The following EPSTI1 variants were observed in gnomAD, a reference collection of about 807,000 sequenced individuals.
EPSTI1 encodes epithelial-stromal interaction protein 1.
Under a neutral mutation model 49.9 loss-of-function variants are expected in EPSTI1, and 66 were observed. The observed-to-expected ratio is 1.32, with a 90% CI of 1.08 to 1.62. The LOEUF (loss-of-function observed/expected upper bound fraction) is 1.62. Among genes scored for constraint, EPSTI1 ranks in the 40% most tolerant of loss-of-function variants. The probability of loss-of-function intolerance (pLI) is 0.00; values close to 1 mark genes in which losing one functional copy is unlikely to be tolerated. For missense variants in EPSTI1, 394 were observed against 365.5 expected (o/e 1.08, Z -0.64); for synonymous variants, 137 against 130.7 (o/e 1.05, Z -0.33).
At chr13:42,910,954 C>T (rs1460943639) in intron 8 of EPSTI1, among the ~76,000 whole-genome samples, 1 of 152,066 alleles carries the variant, frequency 6.6e-6, no homozygotes, top group African/African-American at 2.4e-5. Context: ...ATTTTTAGTT[C>T]ACTGAAGTGT....
At chr13:42,955,881 G>GA (rs548889452) in intron 5 of EPSTI1, among the ~76,000 whole-genome samples, 2 of 121,418 alleles carry the variant, frequency 1.6e-5, no homozygotes, top group Non-Finnish European at 3.5e-5. Context: ...AGTATTTGGG[G>GA]GGGGGGGGAA....
At chr13:42,986,186 A>G (rs1411462079) in intron 1 of EPSTI1, among the ~76,000 whole-genome samples, 2 of 152,166 alleles carry the variant, frequency 1.3e-5, no homozygotes, top group African/African-American at 2.4e-5. Context: ...TCAGCTGACT[A>G]TGCTCCCCAC....
In EPSTI1 at chr13:42,888,812, G is replaced by GTTAC. The variant is rs1482927422; in HGVS notation, c.916-314_916-311dup. Reference sequence around the variant, plus strand: ...GAAAATGTTGTCACCCACCTACACAGTTACAGCAAGGACAGGATGAACACA... The same window carrying GTTAC: ...GAAAATGTTGTCACCCACCTACACAGTTACTTACAGCAAGGACAGGATGAACACA... On this transcript the variant is annotated intron_variant, in intron 10 of 10. Coordinates refer to ENST00000313624, the MANE Select transcript of EPSTI1 (RefSeq NM_033255.5). Among the ~76,000 whole-genome samples, 6 of 152,160 alleles carry GTTAC rather than the reference G, an allele frequency of 3.9e-5. 1 individual carries two copies. Among genetic ancestry groups the GTTAC allele is most frequent in the Admixed American group, 1.3e-4 (2 of 15,280 alleles).
chr13:42,953,008 G>A (rs1289313753), intron 6 of EPSTI1, among the ~76,000 whole-genome samples: 1 of 152,138 alleles, frequency 6.6e-6, no homozygotes, highest in African/African-American at 2.4e-5. Flanking sequence ...ACAATGGAGT[G>A]AGAGAACAGG....
rs561977519 is a variant in EPSTI1, at chr13:42,889,258, A to T, written c.916-756T>A. On this transcript the variant is annotated intron_variant, in intron 10 of 10. Transcript: ENST00000313624. ...ATAGAGAACCCTAGAAAAATAAAAA[A>T]ATATATTTTTTACATATAAAAGCAA... is the stretch of plus-strand genomic sequence containing the variant. 34 of 1,490,860 alleles carry T rather than the reference A, an allele frequency of 2.3e-5. No individual in the cohort carries two copies. The highest frequency in any genetic ancestry group is 8.6e-5 in the African/African-American group (6 of 69,804). The allele number at this position is 1,490,860 out of a possible 1,614,324, so 92.4% of individuals were successfully genotyped here.
chr13:42,915,909 T>C (rs1007966745), intron 8 of EPSTI1, among the ~76,000 whole-genome samples: 2 of 152,122 alleles, frequency 1.3e-5, no homozygotes, highest in African/African-American at 4.8e-5. Context: ...TCCTAATTTG[T>C]TAAGCATTCT....
chr13:42,947,004 G>T (rs1250248029), intron 6 of EPSTI1, among the ~76,000 whole-genome samples: 1 of 152,126 alleles, frequency 6.6e-6, no homozygotes, highest in Non-Finnish European at 1.5e-5. Context: ...GGGGACCACT[G>T]CTTTATATAC....
In EPSTI1 at chr13:42,888,493, C is replaced by T; in HGVS notation, c.*1G>A. 6.2e-7 allele frequency: 1 copy of T among 1,603,646 alleles called. No individual in the cohort carries two copies. Among genetic ancestry groups the T allele is most frequent in the Non-Finnish European group, 8.5e-7 (1 of 1,174,230 alleles). Reference sequence around the variant, plus strand: ...AAGGCCAGATAGGAGTCAATATTTTCTCATATACCCTGGAAGAAAAAGAAA... The same window carrying T: ...AAGGCCAGATAGGAGTCAATATTTTTTCATATACCCTGGAAGAAAAAGAAA... On this transcript the variant is annotated 3_prime_UTR_variant, in exon 11 of 11. Transcript: ENST00000313624.
chr13:42,908,314 C>T (rs920906218), intron 8 of EPSTI1, among the ~76,000 whole-genome samples: 9 of 151,882 alleles, frequency 5.9e-5, no homozygotes, highest in African/African-American at 1.5e-4. Flanking sequence ...GGCAAAGCCC[C>T]GTCTCTACTG....
chr13:42,896,535 A>G (rs2037193658), intron 9 of EPSTI1, among the ~76,000 whole-genome samples: 2 of 152,284 alleles, frequency 1.3e-5, no homozygotes, highest in Admixed American at 6.5e-5. Context: ...CCTCCTGAAC[A>G]CAACCTAAAT....
chr13:42,902,365 C>A (rs946627397), intron 8 of EPSTI1, among the ~76,000 whole-genome samples: 3 of 152,130 alleles, frequency 2.0e-5, no homozygotes, highest in Admixed American at 2.0e-4. Flanking sequence ...GATTCCTCAA[C>A]TTAACCAACT....
At chr13:42,984,538 A>G (rs1297977184) in intron 1 of EPSTI1, among the ~76,000 whole-genome samples, 1 of 152,244 alleles carries the variant, frequency 6.6e-6, no homozygotes, top group African/African-American at 2.4e-5. Context: ...TGCAGAAAAT[A>G]GACACTAAAT....
rs139697188 is a variant in EPSTI1 at position 42,965,164 on chromosome 13, G to T, written c.332-1025C>A. On this transcript the variant is annotated intron_variant, in intron 3 of 10. Coordinates refer to ENST00000313624, the MANE Select transcript of EPSTI1 (RefSeq NM_033255.5). ...TTCTCTAATGTTACAGCAACTTTTAGTATCTCCTGCAACCATTCCAATATT... is the reference window on the plus strand; with the variant it reads ...TTCTCTAATGTTACAGCAACTTTTATTATCTCCTGCAACCATTCCAATATT... Among the ~76,000 whole-genome samples, 14 of 152,268 alleles carry T rather than the reference G, an allele frequency of 9.2e-5. No individual in the cohort carries two copies. In the East Asian group the frequency reaches 2.7e-3, roughly 29 times the overall value.
chr13:42,919,279 G>A, intron 7 of EPSTI1: 1 of 1,612,566 alleles, frequency 6.2e-7, no homozygotes. Flanking sequence ...TCAGTTACTT[G>A]CAATCCTAAT....
At position 42,912,960 on chromosome 13, in the gene EPSTI1, A is replaced by G. The variant is rs147164620; in HGVS notation, c.741+4581T>C. The stretch of plus-strand genomic sequence containing the variant: ...AAGACAATAAGGGTAAAGAGACATA[A>G]AAGAAAATTAGGAAGAAAAAAGGAA... On this transcript the variant is annotated intron_variant, in intron 8 of 10. Transcript: ENST00000313624. Among the ~76,000 whole-genome samples, 835 of 152,280 alleles carry G rather than the reference A, an allele frequency of 5.5e-3. 5 individuals carry two copies. Among genetic ancestry groups the G allele is most frequent in the Non-Finnish European group, 7.6e-3 (517 of 68,006 alleles).
intron 6 of EPSTI1, among the ~76,000 whole-genome samples, chr13:42,945,365 C>T (rs1158579225): frequency 6.6e-6 from 1 of 152,198 alleles, no homozygotes; most frequent in Non-Finnish European, 1.5e-5. Flanking sequence ...TCCCACAACA[C>T]ATGGGAATTA....
At chr13:42,900,729 A>G (rs1295356726) in intron 8 of EPSTI1, among the ~76,000 whole-genome samples, 1 of 152,124 alleles carries the variant, frequency 6.6e-6, no homozygotes, top group Non-Finnish European at 1.5e-5. Flanking sequence ...TAGTTCCTTC[A>G]GGAATATCAC....
rs1285780057 is a variant in EPSTI1, at chr13:42,888,070, AAAGT to A, written c.*420_*423del. 3 of 584,126 alleles carry A rather than the reference AAAGT, an allele frequency of 5.1e-6. No homozygotes were observed. The highest frequency in any genetic ancestry group is 8.7e-6 in the Non-Finnish European group (3 of 344,320). 36.2% of individuals were successfully genotyped at this position (584,126 alleles called of 1,614,324 possible). A position where few individuals can be genotyped will look rare whatever the true frequency, so the allele number is the denominator to read the frequency against. On this transcript the variant is annotated 3_prime_UTR_variant, in exon 11 of 11. Coordinates refer to ENST00000313624, the MANE Select transcript of EPSTI1 (RefSeq NM_033255.5). ...TTTTGTACATATTTGTACCATAAAGAAAGTAGGGATTAAAATCTAAAAAGACCCC... is the reference window on the plus strand; with the variant it reads ...TTTTGTACATATTTGTACCATAAAGAAGGGATTAAAATCTAAAAAGACCCC...
At chr13:42,963,387 G>T in intron 4 of EPSTI1, 49 bp from the exon 5 acceptor site, 1 of 1,453,518 alleles carries the variant, frequency 6.9e-7, no homozygotes, top group Non-Finnish European at 9.5e-7. Context: ...CCATTTTTCA[G>T]TCTGAACTCT....
Sources: allele counts gnomAD v4.1 joint callset (sites outside exome capture counted in the v4.1 genomes callset), GRCh38; gene constraint gnomAD v4.1.1; transcripts MANE v1.5; gene names NCBI Gene and HGNC (gene_info 2026-07-23, HGNC 2026-07-21).